Variants in TMEM17 observed in about 807,000 individuals in gnomAD.
The protein encoded by TMEM17 is transmembrane protein 17.
A neutral mutation model predicts 19.1 loss-of-function variants in TMEM17; 15 were observed. The observed-to-expected ratio is 0.78, with a 90% CI of 0.52 to 1.21. The LOEUF (loss-of-function observed/expected upper bound fraction) is 1.21. Ranked by LOEUF, TMEM17 falls within the 50% of genes most tolerant of loss-of-function variation. The pLI, the probability that TMEM17 is intolerant of heterozygous loss-of-function variation, is 0.00. For missense variants in TMEM17, 245 were observed against 242.3 expected, an observed-to-expected ratio of 1.01 and a Z score of -0.07; for synonymous variants, 103 against 86.9, an observed-to-expected ratio of 1.19 and a Z score of -1.03.
the TMEM17 span, among the ~76,000 whole-genome samples, chr2:62,461,436 C>T: frequency 1.3e-5 from 2 of 152,176 alleles, no homozygotes; most frequent in Non-Finnish European, 2.9e-5. Flanking sequence ...CCTGCTTGGC[C>T]ATTCCTGCCT....
At chr2:62,487,712 C>T in the TMEM17 span, among the ~76,000 whole-genome samples, 6 of 152,160 alleles carry the variant, frequency 3.9e-5, no homozygotes, top group Admixed American at 3.3e-4. Context: ...TTTGTTTGTT[C>T]GAGACGAAGT....
downstream of TMEM17, among the ~76,000 whole-genome samples, chr2:62,498,688 C>T (rs1181500398): frequency 6.8e-6 from 1 of 147,664 alleles, no homozygotes; most frequent in South Asian, 2.1e-4. Context: ...TGCACTCCAG[C>T]CTGGGCGACA....
the TMEM17 span, among the ~76,000 whole-genome samples, chr2:62,462,231 G>A: frequency 2.6e-5 from 4 of 152,188 alleles, no homozygotes; most frequent in Non-Finnish European, 4.4e-5. Flanking sequence ...TCCCTTTGCC[G>A]CCATAGGGGT....
chr2:62,481,264 A>G, the TMEM17 span, among the ~76,000 whole-genome samples: 2 of 152,042 alleles, frequency 1.3e-5, no homozygotes, highest in Non-Finnish European at 2.9e-5. Flanking sequence ...ATATAGAAAC[A>G]TTAGTGATTT....
the TMEM17 span, among the ~76,000 whole-genome samples, chr2:62,489,543 C>G: frequency 6.6e-6 from 1 of 152,130 alleles, no homozygotes; most frequent in Admixed American, 6.6e-5. Context: ...CTTTTTCACT[C>G]TTCAATCCAT....
At chr2:62,502,108 C>T (rs1005021069) in intron 3 of TMEM17, 2 of 173,030 alleles carry the variant, frequency 1.2e-5, no homozygotes, top group Non-Finnish European at 2.5e-5. Flanking sequence ...TCCAAATACA[C>T]ATGTTTAAGT....
the TMEM17 span, among the ~76,000 whole-genome samples, chr2:62,490,277 A>G: frequency 8.5e-5 from 13 of 152,128 alleles, no homozygotes; most frequent in African/African-American, 3.1e-4. Flanking sequence ...TATTATTATT[A>G]TTATTTTGCA....
chr2:62,472,506 A>G, the TMEM17 span, among the ~76,000 whole-genome samples: 1 of 152,054 alleles, frequency 6.6e-6, no homozygotes, highest in East Asian at 1.9e-4. Flanking sequence ...ATTTGGGCTC[A>G]CTCCAAACCT....
At chr2:62,454,235 C>A in the TMEM17 span, among the ~76,000 whole-genome samples, 1 of 152,162 alleles carries the variant, frequency 6.6e-6, no homozygotes. Context: ...AGGTGCAGGA[C>A]CCTACTGAGA....
chr2:62,502,835 G>T (rs760226351), intron 1 of TMEM17, 41 bp from the exon 2 acceptor site: 4 of 1,263,130 alleles, frequency 3.2e-6, no homozygotes, highest in Admixed American at 4.1e-5. Flanking sequence ...TGAATCTTGG[G>T]TTTATGCCCT....
the TMEM17 span, among the ~76,000 whole-genome samples, chr2:62,479,313 G>A: frequency 6.6e-6 from 1 of 152,190 alleles, no homozygotes; most frequent in Admixed American, 6.5e-5. Context: ...AGGGGGACAT[G>A]CAGGGAGAGT....
the TMEM17 span, among the ~76,000 whole-genome samples, chr2:62,467,108 T>A: frequency 6.6e-6 from 1 of 152,050 alleles, no homozygotes; most frequent in African/African-American, 2.4e-5. Flanking sequence ...AAACAGGGAA[T>A]GGAATGACCC....
At chr2:62,457,057 T>G in the TMEM17 span, among the ~76,000 whole-genome samples, 3 of 152,126 alleles carry the variant, frequency 2.0e-5, no homozygotes, top group African/African-American at 4.8e-5. The surrounding 1 kb of genome is among the most constrained non-coding windows in gnomAD (Gnocchi z 4.2). Flanking sequence ...CGCTTCCCGG[T>G]CCCGGGCCTC....
chr2:62,457,027 C>T, the TMEM17 span, among the ~76,000 whole-genome samples: 2 of 150,618 alleles, frequency 1.3e-5, no homozygotes, highest in Non-Finnish European at 1.5e-5. The surrounding 1 kb of genome is among the most constrained non-coding windows in gnomAD (Gnocchi z 4.2). Flanking sequence ...AGAGCTCAGC[C>T]CCTTTCCCGG....
At chr2:62,466,775 TAGA>T in the TMEM17 span, among the ~76,000 whole-genome samples, 4 of 152,162 alleles carry the variant, frequency 2.6e-5, no homozygotes, top group Admixed American at 2.0e-4. Flanking sequence ...GCTACAGCAG[TAGA>T]AGGTCAAAGC....
chr2:62,483,437 A>C, the TMEM17 span, among the ~76,000 whole-genome samples: 2 of 152,322 alleles, frequency 1.3e-5, no homozygotes, highest in South Asian at 4.1e-4. Flanking sequence ...TTCATGCAGC[A>C]GTCCTTCCTT....
Position 62,505,906 on chromosome 2 carries a change from G to A in TMEM17, c.100+124C>T. On this transcript the variant is annotated intron_variant, in intron 1 of 3. Coordinates refer to ENST00000335390, the MANE Select transcript of TMEM17 (RefSeq NM_198276.3). ...GGCCCCTCCTCCAAGGCGCTCTCCC[G>A]CACTGCGGAGAACTGGCTGAAGGCG... The A allele has an allele frequency of 7.2e-6, 7 of 971,546 alleles. No individual in the cohort carries two copies. The South Asian group carries it at 1.0e-4, about 14-fold the overall frequency. The allele number at this position is 971,546 out of a possible 1,614,324, so 60.2% of individuals were successfully genotyped here.
the TMEM17 span, among the ~76,000 whole-genome samples, chr2:62,489,480 T>C: frequency 1.3e-5 from 2 of 152,248 alleles, no homozygotes; most frequent in East Asian, 1.9e-4. Context: ...TATCCTGCGA[T>C]TGGAGTAGGC....
chr2:62,471,647 A>T, the TMEM17 span, among the ~76,000 whole-genome samples: 1 of 152,192 alleles, frequency 6.6e-6, no homozygotes, highest in Non-Finnish European at 1.5e-5. Context: ...ACCTATCCTG[A>T]AGGAGTGCTG....
Sources: allele counts gnomAD v4.1 joint callset (sites outside exome capture counted in the v4.1 genomes callset), GRCh38; gene constraint gnomAD v4.1.1; non-coding constraint Gnocchi (gnomAD v3.1); transcripts MANE v1.5; gene names NCBI Gene and HGNC (gene_info 2026-07-23, HGNC 2026-07-21).